RAB3C: variants seen among roughly 807,000 people sequenced by gnomAD.
The protein encoded by RAB3C is ras-related protein Rab-3C.
RAB3C carries 17 observed loss-of-function variants against 26.4 expected under a neutral mutation model. The observed-to-expected ratio is 0.64, with a 90% CI of 0.44 to 0.97. The LOEUF (loss-of-function observed/expected upper bound fraction) is 0.97. Ranked by LOEUF, RAB3C falls within the 50% of genes least tolerant of loss-of-function variation. RAB3C has a pLI of 0.00. For synonymous variants in RAB3C, 91 were observed against 95.9 expected (o/e 0.95, Z 0.30); for missense variants, 242 against 281.9 (o/e 0.86, Z 1.01).
In RAB3C at chr5:58,597,736, A is replaced by G. The variant is rs1264224295; in HGVS notation, c.24+14504A>G. ...TATAGTACATTATATATAAGTATAT[A>G]ACATATAATACATTATATATAAGTA... On this transcript the variant is annotated intron_variant, in intron 1 of 4. Coordinates refer to ENST00000282878, the MANE Select transcript of RAB3C (RefSeq NM_138453.4). Among the ~76,000 whole-genome samples the G allele has an allele frequency of 1.3e-3, 161 of 128,060 alleles. 12 individuals are homozygous for G. The highest frequency in any genetic ancestry group is 4.5e-3 in the African/African-American group (154 of 33,962). The allele number at this position is 128,060 out of a possible 152,430, so 84.0% of individuals were successfully genotyped here.
chr5:58,764,176 G>A (rs1363478919), intron 3 of RAB3C, among the ~76,000 whole-genome samples: 1 of 152,076 alleles, frequency 6.6e-6, no homozygotes, highest in Middle Eastern at 3.2e-3. Context: ...CTTCAGAGAG[G>A]GGGACAATTT....
intron 2 of RAB3C, among the ~76,000 whole-genome samples, chr5:58,618,997 T>A (rs1188848531): frequency 1.3e-5 from 2 of 152,156 alleles, no homozygotes; most frequent in Non-Finnish European, 2.9e-5. Context: ...TTAACTTTTT[T>A]AAAAAAGAAA....
At chr5:58,614,564 G>A (rs1241061466) in intron 1 of RAB3C, among the ~76,000 whole-genome samples, 2 of 151,966 alleles carry the variant, frequency 1.3e-5, no homozygotes, top group African/African-American at 4.8e-5. Flanking sequence ...TTCCTGAGAA[G>A]AATTTTGCTG....
intron 3 of RAB3C, among the ~76,000 whole-genome samples, chr5:58,732,882 G>A (rs372873603): frequency 3.9e-5 from 6 of 152,006 alleles, no homozygotes; most frequent in African/African-American, 1.4e-4. Flanking sequence ...TCATACCTCT[G>A]GGTCTCTCTT....
intron 1 of RAB3C, among the ~76,000 whole-genome samples, chr5:58,617,008 A>C (rs1398326062): frequency 6.6e-6 from 1 of 152,126 alleles, no homozygotes; most frequent in Admixed American, 6.6e-5. Context: ...TTCTCATTTT[A>C]ATATGGAAAT....
Position 58,825,179 on chromosome 5 carries a change from T to G in RAB3C, c.496+17T>G. ...AACAGCTTGGTAAGAAACAAATTAA[T>G]AAGTTAAAAAGAAAGATAATTTGCT... On this transcript the variant is annotated intron_variant, in intron 4 of 4. Coordinates refer to ENST00000282878, the MANE Select transcript of RAB3C (RefSeq NM_138453.4). 1 of 1,605,664 alleles carries G rather than the reference T, an allele frequency of 6.2e-7. No individual in the cohort carries two copies. Among genetic ancestry groups the G allele is most frequent in the Non-Finnish European group, 8.5e-7 (1 of 1,175,546 alleles).
intron 2 of RAB3C, among the ~76,000 whole-genome samples, chr5:58,654,548 C>G (rs1443824110): frequency 6.6e-6 from 1 of 151,998 alleles, no homozygotes; most frequent in Non-Finnish European, 1.5e-5. Context: ...ATTACTTTTC[C>G]CATTTTTAAA....
chr5:58,644,190 A>G (rs1299842134), intron 2 of RAB3C, among the ~76,000 whole-genome samples: 1 of 150,322 alleles, frequency 6.7e-6, no homozygotes, highest in Non-Finnish European at 1.5e-5. Flanking sequence ...TAAAAGAACA[A>G]CAAAACATTC....
chr5:58,790,079 C>T (rs980233556), intron 3 of RAB3C, among the ~76,000 whole-genome samples: 1 of 152,126 alleles, frequency 6.6e-6, no homozygotes, highest in South Asian at 2.1e-4. Flanking sequence ...AAGTCTAGAC[C>T]CATTAATTCA....
chr5:58,666,565 T>C (rs1748006337), intron 2 of RAB3C, among the ~76,000 whole-genome samples: 1 of 152,198 alleles, frequency 6.6e-6, no homozygotes, highest in African/African-American at 2.4e-5. Context: ...GCAAAAGATA[T>C]TGAATCTCTA....
At chr5:58,710,953 G>C (rs556708763) in intron 2 of RAB3C, among the ~76,000 whole-genome samples, 1 of 152,264 alleles carries the variant, frequency 6.6e-6, no homozygotes, top group African/African-American at 2.4e-5. Context: ...GCGGGAATCT[G>C]CTTTAATCTT....
At chr5:58,732,522 G>C (rs777871085) in intron 3 of RAB3C, among the ~76,000 whole-genome samples, 12 of 152,094 alleles carry the variant, frequency 7.9e-5, no homozygotes, top group Non-Finnish European at 1.8e-4. Context: ...TCTTAAAGAA[G>C]ACAGAATATT....
intron 3 of RAB3C, among the ~76,000 whole-genome samples, chr5:58,762,714 T>C (rs62358090): frequency 0.29 from 43,367 of 152,028 alleles, 6,708 homozygotes; most frequent in South Asian, 0.41. Context: ...AAATAACTTA[T>C]TAAATTGACT....
chr5:58,763,718 C>T (rs887720191), intron 3 of RAB3C, among the ~76,000 whole-genome samples: 1 of 152,162 alleles, frequency 6.6e-6, no homozygotes, highest in Non-Finnish European at 1.5e-5. Flanking sequence ...TAAAATTTGC[C>T]TTCCCCACAA....
intron 2 of RAB3C, among the ~76,000 whole-genome samples, chr5:58,684,958 T>C (rs772086052): frequency 6.6e-6 from 1 of 152,228 alleles, no homozygotes; most frequent in Non-Finnish European, 1.5e-5. Context: ...TTACTGGTAA[T>C]ATATTACTGA....
At chr5:58,644,592 G>T (rs771389034) in intron 2 of RAB3C, among the ~76,000 whole-genome samples, 4 of 152,100 alleles carry the variant, frequency 2.6e-5, no homozygotes, top group Non-Finnish European at 5.9e-5. Flanking sequence ...CTCAAGCCTG[G>T]CATAGAGGTC....
At chr5:58,725,326 G>T (rs1221700940) in intron 2 of RAB3C, among the ~76,000 whole-genome samples, 1 of 151,636 alleles carries the variant, frequency 6.6e-6, no homozygotes, top group Non-Finnish European at 1.5e-5. Context: ...TATGTTATTT[G>T]CTTCTTTGTA....
At chr5:58,807,592 T>G (rs1378391157) in intron 3 of RAB3C, among the ~76,000 whole-genome samples, 1 of 152,154 alleles carries the variant, frequency 6.6e-6, no homozygotes, top group Non-Finnish European at 1.5e-5. Context: ...AGAAATGCCT[T>G]CTTGCATTCT....
At position 58,597,210 on chromosome 5, in the gene RAB3C, A is replaced by AC. The variant is rs575272065; in HGVS notation, c.24+13978_24+13979insC. ...TATATTATATAATAATATATACTAC[A>AC]TAAATATTATATAATATATACTACA... On this transcript the variant is annotated intron_variant, in intron 1 of 4. Coordinates refer to ENST00000282878, the MANE Select transcript of RAB3C (RefSeq NM_138453.4). Among the ~76,000 whole-genome samples the AC allele has an allele frequency of 1.4e-3, 132 of 97,674 alleles. 10 individuals are homozygous for AC. The highest frequency in any genetic ancestry group is 3.7e-3 in the South Asian group (11 of 2,954). 64.1% of individuals were successfully genotyped at this position (97,674 alleles called of 152,430 possible).
Sources: allele counts gnomAD v4.1 joint callset (sites outside exome capture counted in the v4.1 genomes callset), GRCh38; gene constraint gnomAD v4.1.1; transcripts MANE v1.5; gene names NCBI Gene and HGNC (gene_info 2026-07-23, HGNC 2026-07-21).